The following STAG1 variants were observed in gnomAD, a reference collection of about 807,000 sequenced individuals.
The protein encoded by STAG1 is cohesin subunit SA-1.
STAG1 carries 26 observed loss-of-function variants against 170.9 expected under a neutral mutation model. The observed-to-expected ratio is 0.15, with a 90% CI of 0.11 to 0.21. The LOEUF is 0.21. STAG1 is among the 10% of genes least tolerant of loss of function. The pLI is 1.00. For synonymous variants in STAG1, 514 were observed against 497.7 expected, an observed-to-expected ratio of 1.03 and a Z score of -0.44; for missense variants, 964 against 1,509.5, an observed-to-expected ratio of 0.64 and a Z score of 5.99.
intron 21 of STAG1, among the ~76,000 whole-genome samples, chr3:136,417,292 G>A (rs377039881): frequency 6.6e-6 from 1 of 152,096 alleles, no homozygotes; most frequent in Non-Finnish European, 1.5e-5. Flanking sequence ...CTTAATGATG[G>A]AGATGATATT....
At chr3:136,496,806 A>G (rs1195122628) in intron 9 of STAG1, among the ~76,000 whole-genome samples, 1 of 152,128 alleles carries the variant, frequency 6.6e-6, no homozygotes, top group Non-Finnish European at 1.5e-5. Flanking sequence ...AATGAAATAG[A>G]AAACAAAAAT....
chr3:136,614,708 A>G (rs1939493881), intron 3 of STAG1, among the ~76,000 whole-genome samples: 1 of 152,312 alleles, frequency 6.6e-6, no homozygotes, highest in Middle Eastern at 3.4e-3. Context: ...AAAATAACTT[A>G]TCCCAAATAC....
chr3:136,622,902 T>G (rs561572124), intron 3 of STAG1, among the ~76,000 whole-genome samples: 1 of 152,190 alleles, frequency 6.6e-6, no homozygotes, highest in Non-Finnish European at 1.5e-5. Context: ...AGTGACCTTC[T>G]CTATGCCTTC....
At chr3:136,459,151 G>A (rs2089202668) in intron 13 of STAG1, among the ~76,000 whole-genome samples, 1 of 151,522 alleles carries the variant, frequency 6.6e-6, no homozygotes. Context: ...CCAGGAGGTG[G>A]AGGTTGCAGT....
intron 1 of STAG1, among the ~76,000 whole-genome samples, chr3:136,692,168 G>A (rs141189808): frequency 0.016 from 2,442 of 150,886 alleles, 71 homozygotes; most frequent in African/African-American, 0.057. Flanking sequence ...AGAAAAATTA[G>A]CCGGGCATGA....
At chr3:136,373,699 C>T (rs1039130928) in intron 23 of STAG1, among the ~76,000 whole-genome samples, 3 of 152,164 alleles carry the variant, frequency 2.0e-5, no homozygotes, top group African/African-American at 7.2e-5. Context: ...TTTGATTGCA[C>T]TGTGGTCTGA....
At chr3:136,600,514 C>T (rs776222516) in intron 4 of STAG1, among the ~76,000 whole-genome samples, 3 of 152,096 alleles carry the variant, frequency 2.0e-5, no homozygotes, top group East Asian at 1.9e-4. Context: ...TCACTGATGT[C>T]GGCTTGTATT....
rs1234507031 is a variant in STAG1 at position 136,337,489 on chromosome 3, C to T, written c.*765G>A. 6.6e-6 allele frequency: 1 copy of T among 152,648 alleles called. No homozygotes were observed. Among genetic ancestry groups the T allele is most frequent in the Non-Finnish European group, 1.5e-5 (1 of 68,044 alleles). 9.5% of individuals were successfully genotyped at this position (152,648 alleles called of 1,614,324 possible). On this transcript the variant is annotated 3_prime_UTR_variant, in exon 34 of 34. Coordinates refer to ENST00000383202, the MANE Select transcript of STAG1 (RefSeq NM_005862.3). ...AATAGAAAATGCACTGTATTTGAAT[C>T]TCCCTAGTCTATATAAAATGAACGG...
At chr3:136,607,604 T>C (rs1939029156) in intron 3 of STAG1, among the ~76,000 whole-genome samples, 1 of 152,198 alleles carries the variant, frequency 6.6e-6, no homozygotes, top group South Asian at 2.1e-4. Context: ...GGTTTCACCA[T>C]GTTGGCCAGG....
intron 6 of STAG1, among the ~76,000 whole-genome samples, chr3:136,522,585 T>A (rs940698300): frequency 6.6e-6 from 1 of 152,194 alleles, no homozygotes; most frequent in Non-Finnish European, 1.5e-5. Flanking sequence ...TATTTTTCAC[T>A]CTACTTTTAG....
At chr3:136,611,493 TTTTAC>T (rs1223196267) in intron 3 of STAG1, among the ~76,000 whole-genome samples, 12 of 151,208 alleles carry the variant, frequency 7.9e-5, no homozygotes, top group Non-Finnish European at 1.6e-4. Flanking sequence ...GTTTTGACCT[TTTTAC>T]TTTTTCTTTT....
chr3:136,518,349 T>C, intron 7 of STAG1: 1 of 700,526 alleles, frequency 1.4e-6, no homozygotes, highest in Middle Eastern at 2.3e-4. Flanking sequence ...TAACTGTCCA[T>C]GCACATAGTC....
chr3:136,469,424 C>A (rs2089563037), intron 12 of STAG1, among the ~76,000 whole-genome samples: 1 of 152,266 alleles, frequency 6.6e-6, no homozygotes, highest in Non-Finnish European at 1.5e-5. Flanking sequence ...ATCCAACTTA[C>A]AAGGGATGTG....
At chr3:136,697,275 A>C (rs1027962031) in intron 1 of STAG1, among the ~76,000 whole-genome samples, 2 of 152,198 alleles carry the variant, frequency 1.3e-5, no homozygotes, top group African/African-American at 4.8e-5. Flanking sequence ...GTTCCAAATT[A>C]AGCAGGTAGT....
chr3:136,682,248 A>G (rs1443349658), intron 1 of STAG1, among the ~76,000 whole-genome samples: 1 of 151,884 alleles, frequency 6.6e-6, no homozygotes, highest in East Asian at 1.9e-4. Context: ...AACATGGTGA[A>G]ACCCTGTCTC....
intron 4 of STAG1, among the ~76,000 whole-genome samples, chr3:136,575,785 A>G (rs1282574617): frequency 1.3e-5 from 2 of 151,448 alleles, no homozygotes; most frequent in African/African-American, 2.4e-5. Context: ...TTTGTAAGTC[A>G]TGTTTGGAAG....
chr3:136,720,176 C>CAA (rs59409389), intron 1 of STAG1, among the ~76,000 whole-genome samples: 4 of 61,140 alleles, frequency 6.5e-5, no homozygotes, highest in Non-Finnish European at 9.9e-5. Context: ...AATTCCGTCT[C>CAA]AAAAAAAAAA....
chr3:136,388,922 G>C (rs779206305), intron 22 of STAG1, among the ~76,000 whole-genome samples: 1 of 152,086 alleles, frequency 6.6e-6, no homozygotes, highest in African/African-American at 2.4e-5. Context: ...CTCTGTACTA[G>C]AAAGTGTTAT....
intron 12 of STAG1, among the ~76,000 whole-genome samples, chr3:136,471,781 C>G (rs2089634096): frequency 6.6e-6 from 1 of 152,042 alleles, no homozygotes; most frequent in Admixed American, 6.6e-5. Flanking sequence ...AAAAAGAAGC[C>G]TATTTGGGAA....
Sources: gnomAD v4.1 joint callset for allele counts (sites outside exome capture counted in the v4.1 genomes callset) on GRCh38, gnomAD v4.1.1 for gene constraint, MANE v1.5 for transcripts, NCBI Gene and HGNC (gene_info 2026-07-23, HGNC 2026-07-21) for gene names.